The following MAP4K4 variants were observed in gnomAD, a reference collection of about 807,000 sequenced individuals.
MAP4K4 encodes mitogen-activated protein kinase kinase kinase kinase 4, also known as HPK/GCK-like kinase HGK.
MAP4K4 carries 38 observed loss-of-function variants against 189.6 expected under a neutral mutation model. The ratio of observed to expected loss-of-function variants is 0.20; its 90% CI spans 0.15 to 0.26. The LOEUF (loss-of-function observed/expected upper bound fraction) is 0.26. Ranked by LOEUF, MAP4K4 falls within the 10% of genes least tolerant of loss-of-function variation. The pLI, the probability that MAP4K4 is intolerant of heterozygous loss-of-function variation, is 1.00. For synonymous variants in MAP4K4, 610 were observed against 624.3 expected (o/e 0.98, Z 0.34); for missense variants, 1,054 against 1,726.9 (o/e 0.61, Z 6.91).
At chr2:101,799,924 C>T (rs560436329) in intron 3 of MAP4K4, among the ~76,000 whole-genome samples, 7 of 152,102 alleles carry the variant, frequency 4.6e-5, no homozygotes, top group Admixed American at 1.3e-4. Flanking sequence ...CTATTTTAAT[C>T]GTTAGCTAGA....
At chr2:101,891,014 G>A (rs1036984814) in intron 32 of MAP4K4, among the ~76,000 whole-genome samples, 152 bp from the exon 33 acceptor site, 13 of 152,162 alleles carry the variant, frequency 8.5e-5, no homozygotes, top group Admixed American at 8.5e-4. Context: ...GTGAGCCACT[G>A]CACCTGGCCT....
Position 101,882,568 on chromosome 2 carries a change from C to T in MAP4K4, c.3403C>T (p.Arg1135Cys). ...TTTGCTAGGCAAAAAGGATAAGTTA[C>T]GTGTCTACTATTTGTCCTGGTTAAG... Residue 1135 changes from arginine (R) to cysteine (C), a missense_variant, in exon 28 of 33, where the codon CGT becomes TGT. This residue lies in a region of MAP4K4 where 189 missense variants were observed against 405.7 expected (regional missense o/e 0.47). Transcript: ENST00000324219. 6.3e-7 allele frequency: 1 copy of T among 1,593,240 alleles called. No individual in the cohort carries two copies. The highest frequency in any genetic ancestry group is 8.5e-7 in the Non-Finnish European group (1 of 1,173,656).
Position 101,855,908 on chromosome 2 carries a change from A to T in MAP4K4, c.1234-69A>T, listed in dbSNP as rs114659772. 1.7e-3 allele frequency: 2,506 copies of T among 1,462,064 alleles called. 47 individuals carry two copies. The African/African-American group carries it at 0.032, about 19-fold the overall frequency. The allele number at this position is 1,462,064 out of a possible 1,614,324, so 90.6% of individuals were successfully genotyped here. A position where few individuals can be genotyped will look rare whatever the true frequency, so the allele number is the denominator to read the frequency against. ...AGTGTCCACCTGGCACTGACTGATC[A>T]GCACACTATAACATCATGAGAAAGA... On this transcript the variant is annotated intron_variant, in intron 12 of 32. Coordinates refer to ENST00000324219, the Ensembl canonical transcript of MAP4K4.
intron 12 of MAP4K4, among the ~76,000 whole-genome samples, chr2:101,844,950 G>A (rs1278912947): frequency 1.3e-5 from 2 of 152,026 alleles, no homozygotes; most frequent in African/African-American, 2.4e-5. Flanking sequence ...AAATAAAAAA[G>A]ATAAGATTTG....
chr2:101,797,889 G>GTGTGTTTTTTTTT (rs1553478618), intron 3 of MAP4K4, among the ~76,000 whole-genome samples: 1 of 52,304 alleles, frequency 1.9e-5, no homozygotes, highest in Non-Finnish European at 3.3e-5. Context: ...CATTCTTTTA[G>GTGTGTTTTTTTTT]TTTTTTTTTT....
chr2:101,840,745 G>C (rs2096892688), intron 10 of MAP4K4, among the ~76,000 whole-genome samples: 1 of 152,064 alleles, frequency 6.6e-6, no homozygotes, highest in South Asian at 2.1e-4. Context: ...ATTACTTTTT[G>C]GTTCAAATTT....
rs1553465970 is a variant in MAP4K4 at position 101,785,659 on chromosome 2, C to CT, written c.124-5059dup. ...GAGAAGATAGGAACATTGCCATCTTCTTCTTTCTTTCTTTCTCCCTCTCTC... is the reference window on the plus strand; with the variant it reads ...GAGAAGATAGGAACATTGCCATCTTCTTTCTTTCTTTCTTTCTCCCTCTCTC... On this transcript the variant is annotated intron_variant, in intron 2 of 32. Transcript: ENST00000324219. 5.7e-4 allele frequency among the ~76,000 whole-genome samples: 9 copies of CT among 15,774 alleles called. 3 individuals are homozygous for CT. The highest frequency in any genetic ancestry group is 0.036 in the Middle Eastern group (1 of 28). The allele number at this position is 15,774 out of a possible 152,430, so 10.3% of individuals were successfully genotyped here.
At chr2:101,888,624 G>A (rs915986681) in intron 31 of MAP4K4, among the ~76,000 whole-genome samples, 172 bp from the exon 32 acceptor site, 7 of 152,180 alleles carry the variant, frequency 4.6e-5, no homozygotes, top group African/African-American at 1.7e-4. Context: ...GGATAGGCAA[G>A]GTGGTTACAA....
chr2:101,820,013 A>G (rs1488330548), intron 3 of MAP4K4, among the ~76,000 whole-genome samples: 1 of 152,242 alleles, frequency 6.6e-6, no homozygotes, highest in Non-Finnish European at 1.5e-5. Context: ...TAAGAGTATA[A>G]GAACTAAAAT....
chr2:101,867,375 T>G, intron 20 of MAP4K4, 66 bp downstream of exon 20: 2 of 1,293,060 alleles, frequency 1.5e-6, no homozygotes, highest in East Asian at 2.5e-5. Context: ...ATTAAAAATA[T>G]GTGGTTGAGA....
chr2:101,883,121 C>A (rs961933285), intron 28 of MAP4K4, among the ~76,000 whole-genome samples: 1 of 152,188 alleles, frequency 6.6e-6, no homozygotes, highest in Non-Finnish European at 1.5e-5. Context: ...GTCTGGAGGT[C>A]CTTGGCAGGC....
At chr2:101,874,190 C>T in exon 26 of MAP4K4, 7 of 1,613,690 alleles carry the variant, frequency 4.3e-6, no homozygotes, top group Non-Finnish European at 5.9e-6. Flanking sequence ...CAGAGTGACA[C>T]CCCGGAGATT....
intron 28 of MAP4K4, among the ~76,000 whole-genome samples, chr2:101,883,560 C>A (rs745456328): frequency 6.6e-6 from 1 of 151,946 alleles, no homozygotes; most frequent in Non-Finnish European, 1.5e-5. Context: ...GTTAGACATA[C>A]GGGAGAAATA....
At chr2:101,727,826 G>C (rs533689712) in intron 2 of MAP4K4, among the ~76,000 whole-genome samples, 1 of 152,144 alleles carries the variant, frequency 6.6e-6, no homozygotes. Context: ...AAAATCAGCC[G>C]GGCATGGTGG....
intron 3 of MAP4K4, among the ~76,000 whole-genome samples, chr2:101,809,385 TTGAA>T (rs2095266746): frequency 1.3e-5 from 2 of 152,148 alleles, no homozygotes; most frequent in Non-Finnish European, 2.9e-5. Flanking sequence ...TTACAAGATC[TTGAA>T]AAGTGGATGC....
At chr2:101,874,307 G>A (rs2098135128) in intron 26 of MAP4K4, 55 bp downstream of exon 26, 1 of 1,492,738 alleles carries the variant, frequency 6.7e-7, no homozygotes, top group Non-Finnish European at 9.1e-7. Context: ...GTGGTGGCTG[G>A]TCTTCTAGAG....
exon 33 of MAP4K4, chr2:101,892,260 T>C (rs889314514): frequency 6.5e-6 from 1 of 152,806 alleles, no homozygotes; most frequent in African/African-American, 2.4e-5. Flanking sequence ...TATATGTTTT[T>C]GGAAGAAACC....
At chr2:101,852,510 A>G (rs948049450) in intron 12 of MAP4K4, among the ~76,000 whole-genome samples, 1 of 152,170 alleles carries the variant, frequency 6.6e-6, no homozygotes, top group African/African-American at 2.4e-5. Flanking sequence ...AACCAAAGGT[A>G]TAGTAGTATC....
At chr2:101,781,645 T>TA (rs2087546171) in intron 2 of MAP4K4, among the ~76,000 whole-genome samples, 1 of 152,182 alleles carries the variant, frequency 6.6e-6, no homozygotes, top group Admixed American at 6.5e-5. Context: ...CTCCTGGCCT[T>TA]ACACCTCTCA....
Sources: allele counts gnomAD v4.1 joint callset (sites outside exome capture counted in the v4.1 genomes callset), GRCh38; gene constraint gnomAD v4.1.1; regional missense constraint gnomAD v4.1.1; transcripts MANE v1.5; gene names NCBI Gene and HGNC (gene_info 2026-07-23, HGNC 2026-07-21).